Variants in MME observed in about 807,000 individuals in gnomAD.
MME encodes the protein membrane metalloendopeptidase.
In MME, 98 loss-of-function variants were observed where a neutral mutation model predicts 113.2. That is an observed-to-expected ratio of 0.87 (90% CI 0.74 to 1.02). The LOEUF is 1.02. Among genes scored for constraint, MME ranks in the 50% least tolerant of loss-of-function variants. The probability of loss-of-function intolerance (pLI) is 0.00; values close to 1 mark genes in which losing one functional copy is unlikely to be tolerated. For missense variants in MME, 836 were observed against 896.0 expected (o/e 0.93, Z 0.86); for synonymous variants, 292 against 300.6 (o/e 0.97, Z 0.30).
intron 16 of MME, among the ~76,000 whole-genome samples, chr3:155,154,992 G>A (rs1185568871): frequency 1.3e-5 from 2 of 152,134 alleles, no homozygotes; most frequent in African/African-American, 4.8e-5. Context: ...CTCATGTTTT[G>A]CACATGTTGT....
At chr3:155,059,059 G>C (rs1396562011) in intron 1 of MME, among the ~76,000 whole-genome samples, 1 of 152,120 alleles carries the variant, frequency 6.6e-6, no homozygotes, top group Non-Finnish European at 1.5e-5. Flanking sequence ...TTTGAGACCA[G>C]CCTGGCCAAC....
At chr3:155,093,845 G>T (rs1716498643) in intron 3 of MME, among the ~76,000 whole-genome samples, 1 of 136,758 alleles carries the variant, frequency 7.3e-6, no homozygotes, top group South Asian at 2.4e-4. Flanking sequence ...GACAGAGTGA[G>T]ACTCTGTCTA....
chr3:155,052,303 G>C (rs1248986993), intron 1 of MME, among the ~76,000 whole-genome samples: 1 of 152,160 alleles, frequency 6.6e-6, no homozygotes. Context: ...CAGCTCTACT[G>C]AGCAGTGTCT....
intron 16 of MME, among the ~76,000 whole-genome samples, chr3:155,150,115 A>C (rs1196309876): frequency 6.6e-6 from 1 of 152,210 alleles, no homozygotes; most frequent in Non-Finnish European, 1.5e-5. Context: ...AGATTTAATA[A>C]TTGTTAGCAC....
At position 155,115,122 on chromosome 3, in the gene MME, A is replaced by G. The variant is rs778526900; in HGVS notation, c.325A>G (p.Ile109Val). The G allele has an allele frequency of 6.2e-7, 1 of 1,614,166 alleles. No individual in the cohort carries two copies. The highest frequency in any genetic ancestry group is 8.5e-7 in the Non-Finnish European group (1 of 1,180,010). The change falls in exon 4 of 23, where the codon ATT (isoleucine) becomes GTT (valine). Residue 109 changes from isoleucine (I) to valine (V), a missense_variant. Physicochemically the swap from Ile to Val is conservative, Grantham distance 29 (BLOSUM62 3). Transcript: ENST00000360490. ...CAGCTCCCGTTACGGCAACTTTGAC[A>G]TTTTAAGAGATGAACTAGAAGTCGT... ...ETSSRYGNFD[I>V]LRDELEVVLK...
intron 1 of MME, among the ~76,000 whole-genome samples, chr3:155,068,975 G>T (rs1387046590): frequency 3.9e-5 from 6 of 152,114 alleles, no homozygotes; most frequent in Non-Finnish European, 8.8e-5. Context: ...GTTTGTTGGG[G>T]AATAATAAAG....
At chr3:155,056,447 C>T (rs530473685) in intron 1 of MME, among the ~76,000 whole-genome samples, 19 of 147,858 alleles carry the variant, frequency 1.3e-4, no homozygotes, top group Admixed American at 4.7e-4. Context: ...TTTGTTCTTG[C>T]GATAGTTTAC....
In MME at chr3:155,142,238, G is replaced by T; in HGVS notation, c.1096G>T (p.Asp366Tyr). The T allele has an allele frequency of 6.2e-7, 1 of 1,613,372 alleles. No homozygotes were observed. The highest frequency in any genetic ancestry group is 8.5e-7 in the Non-Finnish European group (1 of 1,179,542). ...TGGGCGGTGGTTTTTTTTATACAGAGATCTTCAAAATTTAATGTCCTGGAG... is the reference window on the plus strand; with the variant it reads ...TGGGCGGTGGTTTTTTTTATACAGATATCTTCAAAATTTAATGTCCTGGAG... ...KPILTKYSARDLQNLMSWRFI... is the reference protein window; with the variant it reads ...KPILTKYSARYLQNLMSWRFI... Residue 366 changes from aspartate to tyrosine, a missense_variant and splice_region_variant, in exon 12 of 23, where the codon GAT becomes TAT. Asp to Tyr is a radical substitution (Grantham distance 160, BLOSUM62 -3). Coordinates refer to ENST00000360490, the MANE Select transcript of MME (RefSeq NM_007289.4).
In MME at chr3:155,144,356, G is replaced by A. The variant is rs199864947; in HGVS notation, c.1318-3G>A. 1.7e-5 allele frequency: 27 copies of A among 1,602,312 alleles called. No homozygotes were observed. Among genetic ancestry groups the A allele is most frequent in the Non-Finnish European group, 2.2e-5 (26 of 1,169,736 alleles). Reference sequence around the variant, plus strand: ...CTATATTTGTCTTCTGTTCTGATTTGAGGTCGAGGATTTGATTGCACAGAT... The same window carrying A: ...CTATATTTGTCTTCTGTTCTGATTTAAGGTCGAGGATTTGATTGCACAGAT... On this transcript the variant is annotated splice_region_variant and splice_polypyrimidine_tract_variant and intron_variant, in intron 13 of 22. Transcript: ENST00000360490.
chr3:155,107,561 A>C (rs767493583), intron 3 of MME, among the ~76,000 whole-genome samples: 1 of 152,102 alleles, frequency 6.6e-6, no homozygotes. Flanking sequence ...TGTTTTGTAC[A>C]TTTTTCTAGA....
chr3:155,156,832 G>A (rs1231891990), intron 16 of MME, among the ~76,000 whole-genome samples: 5 of 151,968 alleles, frequency 3.3e-5, no homozygotes, highest in African/African-American at 7.2e-5. Flanking sequence ...TGGCAGTACC[G>A]GCTCACTAAC....
chr3:155,180,521 C>A lies in MME; in HGVS notation c.*62C>A. The stretch of plus-strand genomic sequence containing the variant: ...GCCAACACCACAGAAATGGGGAATT[C>A]TCTAATCGAAAGAAAATGGGCCCTA... On this transcript the variant is annotated 3_prime_UTR_variant, in exon 23 of 23. Coordinates refer to ENST00000360490, the MANE Select transcript of MME (RefSeq NM_007289.4). 1 of 1,331,234 alleles carries A rather than the reference C, an allele frequency of 7.5e-7. No homozygotes were observed. The highest frequency in any genetic ancestry group is 1.1e-6 in the Non-Finnish European group (1 of 923,222). The allele number at this position is 1,331,234 out of a possible 1,614,324, so 82.5% of individuals were successfully genotyped here.
Position 155,172,186 on chromosome 3 carries a change from C to G in MME, c.2050C>G (p.Gln684Glu), listed in dbSNP as rs200678412. The G allele has an allele frequency of 6.8e-6, 11 of 1,610,480 alleles. No individual in the cohort carries two copies. The African/African-American group carries it at 1.2e-4, about 18-fold the overall frequency. Residue 684 changes from glutamine (Q) to glutamate (E), a missense_variant, in exon 21 of 23, where the codon CAA becomes GAA. Coordinates refer to ENST00000360490, the MANE Select transcript of MME (RefSeq NM_007289.4). ...LLPGLDLNHK[Q>E]LFFLNFAQVW... ...TCCTGGACTTGACCTAAATCACAAACAACTATTTTTCTTGAACTTTGCACA... is the reference window on the plus strand; with the variant it reads ...TCCTGGACTTGACCTAAATCACAAAGAACTATTTTTCTTGAACTTTGCACA...
At chr3:155,160,985 T>C (rs1722676288) in intron 17 of MME, among the ~76,000 whole-genome samples, 1 of 152,072 alleles carries the variant, frequency 6.6e-6, no homozygotes, top group Non-Finnish European at 1.5e-5. Context: ...TATGAAATTG[T>C]ATTTACCTAG....
intron 1 of MME, among the ~76,000 whole-genome samples, chr3:155,074,040 CT>C: frequency 6.6e-6 from 1 of 151,626 alleles, no homozygotes; most frequent in Admixed American, 6.6e-5. Flanking sequence ...TCTCTCCTTC[CT>C]TTTCCTCTCT....
intron 1 of MME, among the ~76,000 whole-genome samples, chr3:155,063,668 A>ATATACTATAT (rs1714268554): frequency 9.0e-6 from 1 of 111,392 alleles, no homozygotes; most frequent in Non-Finnish European, 1.7e-5. Flanking sequence ...ATAACATATT[A>ATATACTATAT]TATATTATAT....
At chr3:155,156,655 A>G (rs1722325381) in intron 16 of MME, among the ~76,000 whole-genome samples, 2 of 152,168 alleles carry the variant, frequency 1.3e-5, no homozygotes, top group South Asian at 2.1e-4. Context: ...CGAAGTCTTG[A>G]TGAGAGAATA....
chr3:155,138,274 T>C (rs764303520), intron 9 of MME, 38 bp downstream of exon 9: 5 of 1,602,754 alleles, frequency 3.1e-6, no homozygotes, highest in Non-Finnish European at 4.3e-6. Context: ...CTGAATAATG[T>C]CAACCGCTTT....
chr3:155,172,075 A>G, intron 20 of MME, 42 bp from the exon 21 acceptor site: 1 of 1,146,362 alleles, frequency 8.7e-7, no homozygotes, highest in South Asian at 1.2e-5. Flanking sequence ...ATATAACCTT[A>G]GGAATTAATA....
Sources: gnomAD v4.1 joint callset for allele counts (sites outside exome capture counted in the v4.1 genomes callset) on GRCh38, gnomAD v4.1.1 for gene constraint, MANE v1.5 for transcripts, NCBI Gene and HGNC (gene_info 2026-07-23, HGNC 2026-07-21) for gene names.